The following SHC3 variants were observed in gnomAD, a reference collection of about 807,000 sequenced individuals.
The protein encoded by SHC3 is SHC adaptor protein 3, also known as SHC-transforming protein 3.
A neutral mutation model predicts 60.4 loss-of-function variants in SHC3; 15 were observed. That is an observed-to-expected ratio of 0.25 (90% CI 0.17 to 0.38). The LOEUF (loss-of-function observed/expected upper bound fraction) is 0.38. Among genes scored for constraint, SHC3 ranks in the 10% least tolerant of loss-of-function variants. SHC3 has a pLI of 1.00. For synonymous variants in SHC3, 294 were observed against 325.9 expected, an observed-to-expected ratio of 0.90 and a Z score of 1.05; for missense variants, 677 against 786.1, an observed-to-expected ratio of 0.86 and a Z score of 1.66.
chr9:89,049,707 G>A (rs904087609), intron 7 of SHC3, among the ~76,000 whole-genome samples: 4 of 152,210 alleles, frequency 2.6e-5, no homozygotes, highest in Admixed American at 2.6e-4. Context: ...AACTATACAA[G>A]TGGAGGTGTA....
At chr9:89,062,822 C>A (rs1270707647) in intron 6 of SHC3, among the ~76,000 whole-genome samples, 2 of 152,180 alleles carry the variant, frequency 1.3e-5, no homozygotes, top group Non-Finnish European at 2.9e-5. Context: ...CCTAAATTAA[C>A]CCCTGTACAT....
chr9:89,094,549 AC>A (rs1240271905), intron 2 of SHC3, among the ~76,000 whole-genome samples: 1 of 152,228 alleles, frequency 6.6e-6, no homozygotes, highest in Admixed American at 6.5e-5. Context: ...TAGAGTGTTT[AC>A]TAAGTGTCTG....
chr9:89,027,600 GCCA>G (rs1564082868), intron 11 of SHC3, among the ~76,000 whole-genome samples: 1 of 4,548 alleles, frequency 2.2e-4, no homozygotes, highest in African/African-American at 1.6e-3. Context: ...ACAGGCATAA[GCCA>G]TAAGCCACTG....
chr9:89,036,463 C>T (rs1470590957), intron 11 of SHC3, among the ~76,000 whole-genome samples: 1 of 152,176 alleles, frequency 6.6e-6, no homozygotes, highest in East Asian at 1.9e-4. Flanking sequence ...TACGTGTACC[C>T]TGTGACCAAA....
chr9:89,075,073 T>C, intron 4 of SHC3, 36 bp downstream of exon 4: 1 of 1,607,888 alleles, frequency 6.2e-7, no homozygotes, highest in Non-Finnish European at 8.5e-7. Flanking sequence ...CACCTGGGGC[T>C]GTGGGCAGGG....
rs781535898 is a variant in SHC3, at chr9:89,077,837, T to G, written c.609+3A>C. On this transcript the variant is annotated splice_donor_region_variant and intron_variant, in intron 3 of 11. Coordinates refer to ENST00000375835, the MANE Select transcript of SHC3 (RefSeq NM_016848.6). ...GTTAGACACAGAGCATTGAGGACAG[T>G]ACCTTTCTCTTCTTGAAGGCTCCCT... is the stretch of plus-strand genomic sequence containing the variant. The G allele has an allele frequency of 6.2e-7, 1 of 1,614,200 alleles. No homozygotes were observed. The highest frequency in any genetic ancestry group is 1.1e-5 in the South Asian group (1 of 91,086).
chr9:89,062,958 T>A (rs73498140), intron 6 of SHC3, among the ~76,000 whole-genome samples: 15,253 of 152,248 alleles, frequency 0.1, 2,489 homozygotes, highest in African/African-American at 0.35. Context: ...ATAGCTGGGC[T>A]GCTGGAGGGA....
In SHC3 at chr9:89,038,194, G is replaced by A. The variant is rs1441901264; in HGVS notation, c.1455C>T (p.Ala485=). 1.2e-6 allele frequency: 2 copies of A among 1,614,032 alleles called. No homozygotes were observed. The highest frequency in any genetic ancestry group is 1.7e-6 in the Non-Finnish European group (2 of 1,180,018). ...VECISPVSPR[A]PDAKMLEELQ... ...GTTCCTCCAGCATCTTGGCATCTGGGGCTCTAGGTGACACAGGGCTGATGC... is the reference window on the plus strand; with the variant it reads ...GTTCCTCCAGCATCTTGGCATCTGGAGCTCTAGGTGACACAGGGCTGATGC... The change falls in exon 11 of 12, where the codon GCC becomes GCT. Residue 485 remains alanine (A), a synonymous_variant. Coordinates refer to ENST00000375835, the MANE Select transcript of SHC3 (RefSeq NM_016848.6).
At chr9:89,170,424 T>A (rs180694620) in intron 1 of SHC3, among the ~76,000 whole-genome samples, 22 of 152,252 alleles carry the variant, frequency 1.4e-4, no homozygotes, top group African/African-American at 5.1e-4. Flanking sequence ...GGCAGACAGA[T>A]CACTTGAGGC....
At chr9:89,107,418 C>T (rs542160383) in intron 2 of SHC3, among the ~76,000 whole-genome samples, 13 of 152,298 alleles carry the variant, frequency 8.5e-5, no homozygotes, top group Middle Eastern at 6.8e-3. Flanking sequence ...GAAGCCAACA[C>T]GAGGGTACAG....
At chr9:89,147,516 C>T (rs1459833891) in intron 1 of SHC3, among the ~76,000 whole-genome samples, 2 of 152,008 alleles carry the variant, frequency 1.3e-5, no homozygotes, top group Admixed American at 6.6e-5. Context: ...CTCCGCTTCC[C>T]CTTCTCCACT....
chr9:89,174,282 A>C (rs1292010447), intron 1 of SHC3, among the ~76,000 whole-genome samples: 1 of 152,230 alleles, frequency 6.6e-6, no homozygotes, highest in Non-Finnish European at 1.5e-5. Flanking sequence ...TGGGAGTAAT[A>C]AAATAATTTT....
chr9:89,113,455 A>C (rs1825978832), intron 1 of SHC3, among the ~76,000 whole-genome samples: 1 of 152,186 alleles, frequency 6.6e-6, no homozygotes, highest in South Asian at 2.1e-4. Flanking sequence ...ATGCCACTGC[A>C]CTACAGCCTG....
intron 11 of SHC3, among the ~76,000 whole-genome samples, chr9:89,035,855 G>GA (rs1564088982): frequency 7.0e-4 from 68 of 97,670 alleles, no homozygotes; most frequent in Middle Eastern, 5.6e-3. Context: ...ATATAGATGT[G>GA]TGTGTGTGTG....
chr9:89,031,845 C>T (rs890637016), intron 11 of SHC3, among the ~76,000 whole-genome samples: 3 of 152,186 alleles, frequency 2.0e-5, no homozygotes, highest in Admixed American at 1.3e-4. Flanking sequence ...GTTGCTGAGA[C>T]AGGCTCTTGG....
At chr9:89,093,190 A>G (rs1178881849) in intron 2 of SHC3, among the ~76,000 whole-genome samples, 1 of 152,214 alleles carries the variant, frequency 6.6e-6, no homozygotes, top group Non-Finnish European at 1.5e-5. Flanking sequence ...ATAACACACA[A>G]CACAGGTAGC....
In SHC3 at chr9:89,075,124, A is replaced by T; in HGVS notation, c.714T>A (p.Thr238=). The T allele has an allele frequency of 6.2e-7, 1 of 1,614,032 alleles. No individual in the cohort carries two copies. The change falls in exon 4 of 12, where the codon ACT becomes ACA. Residue 238 remains threonine, a synonymous_variant. Coordinates refer to ENST00000375835, the MANE Select transcript of SHC3 (RefSeq NM_016848.6). Reference sequence around the variant, plus strand: ...ACCCATGTACCTGTTTGGAGTCCGGAGTTCGCAGGTTCAGACTGGCCGTGG... The same window carrying T: ...ACCCATGTACCTGTTTGGAGTCCGGTGTTCGCAGGTTCAGACTGGCCGTGG... ...TISTASLNLR[T]PDSKQIIANH... is the part of the protein sequence containing the mutation.
intron 2 of SHC3, among the ~76,000 whole-genome samples, chr9:89,087,877 C>A (rs1825557330): frequency 6.6e-6 from 1 of 152,166 alleles, no homozygotes; most frequent in Non-Finnish European, 1.5e-5. Context: ...ATTGATAGAT[C>A]AGACTCTTTG....
chr9:89,075,007 A>G, intron 4 of SHC3, 102 bp downstream of exon 4: 2 of 1,448,438 alleles, frequency 1.4e-6, no homozygotes, highest in Middle Eastern at 2.5e-4. Flanking sequence ...ATTTGACACA[A>G]AATATGCTAT....
Sources: gnomAD v4.1 joint callset for allele counts (sites outside exome capture counted in the v4.1 genomes callset) on GRCh38, gnomAD v4.1.1 for gene constraint, MANE v1.5 for transcripts, NCBI Gene and HGNC (gene_info 2026-07-23, HGNC 2026-07-21) for gene names.